ZPBP: variants seen among roughly 807,000 people sequenced by gnomAD.
The protein encoded by ZPBP is zona pellucida-binding protein 1.
In ZPBP, 26 loss-of-function variants were observed where a neutral mutation model predicts 44.8. The observed-to-expected ratio is 0.58, with a 90% CI of 0.43 to 0.81. ZPBP has a LOEUF of 0.81. Among genes scored for constraint, ZPBP ranks in the 30% least tolerant of loss-of-function variants. The pLI, the probability that ZPBP is intolerant of heterozygous loss-of-function variation, is 0.00. For missense variants in ZPBP, 409 were observed against 434.0 expected (o/e 0.94, Z 0.51); for synonymous variants, 174 against 153.2 (o/e 1.14, Z -1.00).
the ZPBP span, among the ~76,000 whole-genome samples, chr7:49,842,891 G>GT: frequency 2.0e-5 from 3 of 151,946 alleles, no homozygotes; most frequent in South Asian, 2.1e-4. Flanking sequence ...TCCCGTTTCT[G>GT]TTTTTTTTCC....
intron 3 of ZPBP, among the ~76,000 whole-genome samples, chr7:50,060,037 C>T (rs1340194278): frequency 2.0e-5 from 3 of 152,088 alleles, no homozygotes; most frequent in East Asian, 1.9e-4. Flanking sequence ...GCTAGGGAAC[C>T]GTCACAGGGT....
At chr7:50,029,866 T>C (rs138596098) in intron 5 of ZPBP, among the ~76,000 whole-genome samples, 2,511 of 152,166 alleles carry the variant, frequency 0.017, 54 homozygotes, top group African/African-American at 0.056. Flanking sequence ...GTTGTTGTTG[T>C]TGTTCTTTTA....
intron 2 of ZPBP, among the ~76,000 whole-genome samples, chr7:49,886,572 A>ATGGT (rs1264029489): frequency 6.6e-6 from 1 of 152,162 alleles, no homozygotes; most frequent in African/African-American, 2.4e-5. Flanking sequence ...CTTTTAGAAT[A>ATGGT]TGGTATCACA....
intron 7 of ZPBP, among the ~76,000 whole-genome samples, chr7:49,949,713 G>T (rs1190443640): frequency 1.3e-5 from 2 of 151,876 alleles, no homozygotes; most frequent in Non-Finnish European, 2.9e-5. Context: ...TGGTGATGAT[G>T]ATTTCACAAC....
intron 1 of ZPBP, chr7:49,912,201 C>T: frequency 5.6e-6 from 9 of 1,612,890 alleles, no homozygotes; most frequent in South Asian, 1.1e-5. Flanking sequence ...TCCCAGAACA[C>T]AAACTCTGAC....
chr7:50,053,812 A>G (rs1800803840), intron 4 of ZPBP, among the ~76,000 whole-genome samples: 1 of 152,216 alleles, frequency 6.6e-6, no homozygotes, highest in South Asian at 2.1e-4. Flanking sequence ...TCTTTGTCTA[A>G]CAAATAAAAG....
At chr7:49,982,283 TTATACATAA>T (rs373064683) in intron 7 of ZPBP, among the ~76,000 whole-genome samples, 27,522 of 99,972 alleles carry the variant, frequency 0.28, 4,358 homozygotes, top group Non-Finnish European at 0.37. Context: ...TAATTTATAA[TTATACATAA>T]TATATATAAT....
intron 4 of ZPBP, among the ~76,000 whole-genome samples, chr7:50,035,039 A>C (rs1799769182): frequency 6.6e-6 from 1 of 152,206 alleles, no homozygotes; most frequent in African/African-American, 2.4e-5. Flanking sequence ...AACACTTGCT[A>C]ATCTGTCCAG....
At chr7:50,028,644 T>G (rs963908625) in intron 5 of ZPBP, among the ~76,000 whole-genome samples, 5 of 150,304 alleles carry the variant, frequency 3.3e-5, no homozygotes, top group Non-Finnish European at 7.4e-5. Context: ...CAACCAAAGG[T>G]GCACAATCCA....
At chr7:49,902,216 C>T (rs1583795185) in intron 1 of ZPBP, among the ~76,000 whole-genome samples, 1 of 151,796 alleles carries the variant, frequency 6.6e-6, no homozygotes, top group African/African-American at 2.4e-5. Context: ...AATTTTTGCT[C>T]TCTGAAAGAT....
chr7:50,049,125 G>A (rs1800553577), intron 4 of ZPBP, among the ~76,000 whole-genome samples: 1 of 151,958 alleles, frequency 6.6e-6, no homozygotes, highest in Admixed American at 6.6e-5. Flanking sequence ...GACTCAAGTA[G>A]AAACAGACAA....
At chr7:49,863,163 A>G (rs1178652039) in intron 2 of ZPBP, among the ~76,000 whole-genome samples, 1 of 151,860 alleles carries the variant, frequency 6.6e-6, no homozygotes, top group African/African-American at 2.4e-5. Context: ...GTGTTTTGTT[A>G]TTTTTCTTCT....
At chr7:49,942,366 T>C in intron 7 of ZPBP, 1 of 196,686 alleles carries the variant, frequency 5.1e-6, no homozygotes, top group Non-Finnish European at 1.0e-5. Flanking sequence ...CAAATTTTTT[T>C]GGATTGTTGC....
At chr7:49,890,923 T>TA (rs76976636) in intron 2 of ZPBP, among the ~76,000 whole-genome samples, 28,702 of 150,084 alleles carry the variant, frequency 0.19, 3,788 homozygotes, top group East Asian at 0.64. Context: ...TAAACAGGCA[T>TA]AAAAAAAAGG....
chr7:50,051,811 G>A (rs1437350380), intron 4 of ZPBP, among the ~76,000 whole-genome samples: 1 of 152,036 alleles, frequency 6.6e-6, no homozygotes, highest in African/African-American at 2.4e-5. Context: ...GCCTGTCGGT[G>A]GTGTGAGGAG....
chr7:50,017,494 G>A (rs1798866590), intron 6 of ZPBP, among the ~76,000 whole-genome samples: 3 of 152,120 alleles, frequency 2.0e-5, no homozygotes, highest in Admixed American at 2.0e-4. Context: ...TGGCCAAGGA[G>A]TTGGGGATGC....
At chr7:50,076,207 T>A (rs777674464) in intron 3 of ZPBP, among the ~76,000 whole-genome samples, 2 of 151,846 alleles carry the variant, frequency 1.3e-5, no homozygotes, top group Non-Finnish European at 2.9e-5. Flanking sequence ...AAGCATTTGA[T>A]AAAATTCAAC....
chr7:49,878,628 T>C lies in ZPBP; in HGVS notation n.509+22490A>G, dbSNP rs143147463. ...TATTATATAATGACATTCCAAGTTG[T>C]ATATTATTATTAGTTTTTATTTTTC... On this transcript the variant is annotated intron_variant and non_coding_transcript_variant, in intron 2 of 2. Coordinates refer to the ZPBP transcript ENST00000465922. 6.0e-4 allele frequency among the ~76,000 whole-genome samples: 91 copies of C among 152,300 alleles called. 1 individual carries two copies. Among genetic ancestry groups the C allele is most frequent in the African/African-American group, 2.2e-3 (90 of 41,568 alleles).
At chr7:49,909,383 T>A (rs925051630) in intron 1 of ZPBP, among the ~76,000 whole-genome samples, 7 of 152,128 alleles carry the variant, frequency 4.6e-5, no homozygotes, top group African/African-American at 1.7e-4. Context: ...TTAGGGAAAT[T>A]TTAAACATAG....
Sources: gnomAD v4.1 joint callset for allele counts (sites outside exome capture counted in the v4.1 genomes callset) on GRCh38, gnomAD v4.1.1 for gene constraint, MANE v1.5 for transcripts, NCBI Gene and HGNC (gene_info 2026-07-23, HGNC 2026-07-21) for gene names.